PCDH15: variants seen among roughly 807,000 people sequenced by gnomAD.
PCDH15 encodes protocadherin-15.
PCDH15 carries 129 observed loss-of-function variants against 178.5 expected under a neutral mutation model. The ratio of observed to expected loss-of-function variants is 0.72; its 90% CI spans 0.63 to 0.84. PCDH15 has a LOEUF of 0.84. Ranked by LOEUF, PCDH15 falls within the 40% of genes least tolerant of loss-of-function variation. The pLI, the probability that PCDH15 is intolerant of heterozygous loss-of-function variation, is 0.00. For synonymous variants in PCDH15, 800 were observed against 732.0 expected (o/e 1.09, Z -1.50); for missense variants, 2,230 against 2,099.9 (o/e 1.06, Z -1.21).
At chr10:55,431,945 C>T (rs1243799458) in intron 2 of PCDH15, among the ~76,000 whole-genome samples, 1 of 152,060 alleles carries the variant, frequency 6.6e-6, no homozygotes, top group East Asian at 1.9e-4. Context: ...CCAACAAACG[C>T]TTATCTAAGC....
At chr10:55,480,208 A>C (rs959691540) in intron 2 of PCDH15, among the ~76,000 whole-genome samples, 1 of 151,690 alleles carries the variant, frequency 6.6e-6, no homozygotes, top group Non-Finnish European at 1.5e-5. Context: ...TGTAGAACTT[A>C]TCAGTGTAAG....
intron 2 of PCDH15, among the ~76,000 whole-genome samples, chr10:55,334,550 G>A (rs1021897629): frequency 2.6e-5 from 4 of 151,654 alleles, no homozygotes; most frequent in East Asian, 2.0e-4. Context: ...CAGGTCATCC[G>A]CCTGCCTCAG....
chr10:54,774,007 C>CTTTTTTTTTTTTTTTTTTTTTTTT (rs763704132), intron 1 of PCDH15, among the ~76,000 whole-genome samples: 2 of 75,378 alleles, frequency 2.7e-5, no homozygotes, highest in Admixed American at 2.0e-4. Context: ...ACTTCATAGG[C>CTTTTTTTTTTTTTTTTTTTTTTTT]TTTTTTTTTT....
intron 2 of PCDH15, among the ~76,000 whole-genome samples, chr10:55,113,657 G>A (rs541029626): frequency 4.6e-5 from 7 of 152,218 alleles, no homozygotes; most frequent in South Asian, 2.1e-4. Context: ...TTATATGCAT[G>A]CTTAGAAATT....
At chr10:54,088,612 G>A (rs779669802) in intron 16 of PCDH15, among the ~76,000 whole-genome samples, 5 of 152,098 alleles carry the variant, frequency 3.3e-5, no homozygotes, top group Non-Finnish European at 5.9e-5. Context: ...ATCTCAAAAT[G>A]TACTGACTAA....
At chr10:55,529,794 A>G (rs1841407874) in intron 2 of PCDH15, among the ~76,000 whole-genome samples, 1 of 122,558 alleles carries the variant, frequency 8.2e-6, no homozygotes, top group South Asian at 2.7e-4. Flanking sequence ...TACCACAAAT[A>G]CATATATGTT....
chr10:55,186,743 C>CTGTG (rs71014463), intron 1 of PCDH15, among the ~76,000 whole-genome samples: 76 of 150,340 alleles, frequency 5.1e-4, no homozygotes, highest in South Asian at 8.4e-4. Context: ...ATACTCTCCT[C>CTGTG]TGTGTGTGTG....
At chr10:55,083,268 G>A (rs1427945869) in intron 2 of PCDH15, among the ~76,000 whole-genome samples, 1 of 151,870 alleles carries the variant, frequency 6.6e-6, no homozygotes, top group Non-Finnish European at 1.5e-5. Flanking sequence ...TAATCAGCAT[G>A]ATACCTCATA....
intron 2 of PCDH15, among the ~76,000 whole-genome samples, chr10:55,003,866 C>T (rs1168185141): frequency 6.6e-6 from 1 of 152,146 alleles, no homozygotes; most frequent in East Asian, 1.9e-4. Flanking sequence ...CTGACAGGTC[C>T]AGGAACCTCA....
At chr10:54,121,358 A>C (rs189348497) in intron 15 of PCDH15, among the ~76,000 whole-genome samples, 6 of 152,268 alleles carry the variant, frequency 3.9e-5, no homozygotes, top group Admixed American at 2.0e-4. Context: ...TCTCAAATTA[A>C]TGATCTAACA....
chr10:54,292,152 C>A (rs1045227296), intron 8 of PCDH15, among the ~76,000 whole-genome samples: 1 of 152,196 alleles, frequency 6.6e-6, no homozygotes, highest in African/African-American at 2.4e-5. Context: ...TCCTGGGATG[C>A]AAGGCTGGTT....
intron 3 of PCDH15, among the ~76,000 whole-genome samples, chr10:54,870,810 A>AAAAAAAT (rs1491454366): frequency 0.022 from 17 of 776 alleles, no homozygotes; most frequent in South Asian, 0.33. Context: ...ATAAAAAAAT[A>AAAAAAAT]AAAAAAAAAT....
chr10:54,527,742 T>G, intron 3 of PCDH15, 70 bp downstream of exon 3: 1 of 1,331,760 alleles, frequency 7.5e-7, no homozygotes, highest in Non-Finnish European at 1.1e-6. Context: ...CTACTCATAG[T>G]AGATTGAGAA....
intron 3 of PCDH15, among the ~76,000 whole-genome samples, chr10:54,501,250 G>T (rs1433607697): frequency 4.0e-5 from 6 of 151,014 alleles, no homozygotes; most frequent in Non-Finnish European, 8.8e-5. Context: ...AAAAAAAAAG[G>T]TTCCACAAGG....
At position 54,823,097 on chromosome 10, in the gene PCDH15, G is replaced by T. The variant is rs539798502; in HGVS notation, c.-29+74353C>A. ...GGGTTTCACCATGTTGGCCAGGTTG[G>T]TCTCAAACTCCTGACCTTAAGTGAT... is the stretch of plus-strand genomic sequence containing the variant. On this transcript the variant is annotated intron_variant, in intron 3 of 5. Transcript: ENST00000458638. Among the ~76,000 whole-genome samples, 7 of 152,018 alleles carry T rather than the reference G, an allele frequency of 4.6e-5. No individual in the cohort carries two copies. In the South Asian group the frequency reaches 1.2e-3, roughly 27 times the overall value.
intron 2 of PCDH15, among the ~76,000 whole-genome samples, chr10:54,644,636 T>C (rs896043920): frequency 6.6e-6 from 1 of 152,144 alleles, no homozygotes; most frequent in Admixed American, 6.5e-5. Flanking sequence ...ACGTCTCTAA[T>C]GACGGGATAA....
intron 2 of PCDH15, among the ~76,000 whole-genome samples, chr10:54,643,613 C>CT (rs1007332790): frequency 5.9e-5 from 9 of 151,716 alleles, no homozygotes; most frequent in Admixed American, 3.9e-4. Context: ...AAAAGTGTTA[C>CT]TTTTTTAAAA....
chr10:55,408,291 T>C (rs1388219111), intron 2 of PCDH15, among the ~76,000 whole-genome samples: 2 of 151,936 alleles, frequency 1.3e-5, no homozygotes, highest in South Asian at 2.1e-4. Context: ...GTTCAAGCGA[T>C]TCTTCTGCCT....
chr10:54,499,990 C>A (rs576964828), intron 3 of PCDH15, among the ~76,000 whole-genome samples: 2 of 152,208 alleles, frequency 1.3e-5, no homozygotes, highest in East Asian at 1.9e-4. Context: ...AAGACACATG[C>A]GCACATATGT....
Sources: gnomAD v4.1 joint callset for allele counts (sites outside exome capture counted in the v4.1 genomes callset) on GRCh38, gnomAD v4.1.1 for gene constraint, MANE v1.5 for transcripts, NCBI Gene and HGNC (gene_info 2026-07-23, HGNC 2026-07-21) for gene names.